The following TENM1 variants were observed in gnomAD, a reference collection of about 807,000 sequenced individuals.
TENM1 encodes the protein teneurin-1.
TENM1 carries 35 observed loss-of-function variants against 174.8 expected under a neutral mutation model. The ratio of observed to expected loss-of-function variants is 0.20; its 90% CI spans 0.15 to 0.27. TENM1 has a LOEUF of 0.27. Among genes scored for constraint, TENM1 ranks in the 10% least tolerant of loss-of-function variants. TENM1 has a pLI of 1.00. For missense variants in TENM1, 1,633 were observed against 2,130.1 expected (o/e 0.77, Z 4.59); for synonymous variants, 781 against 798.7 (o/e 0.98, Z 0.37).
chrX:124,857,325 G>A (rs1176211096), intron 3 of TENM1, among the ~76,000 whole-genome samples: 1 of 111,135 alleles, frequency 9.0e-6, no homozygotes, highest in Non-Finnish European at 1.9e-5. Context: ...AAATCAGAAG[G>A]GCAAAAGTGG....
At chrX:125,066,376 T>C in the TENM1 span, among the ~76,000 whole-genome samples, 1 of 111,939 alleles carries the variant, frequency 8.9e-6, no homozygotes, top group Non-Finnish European at 1.9e-5. Context: ...CTTACATACT[T>C]ATGCTAATGA....
chrX:124,584,570 A>G (rs751344501), intron 11 of TENM1, among the ~76,000 whole-genome samples: 174 of 111,778 alleles, frequency 1.6e-3, no homozygotes, highest in Non-Finnish European at 3.0e-3. Flanking sequence ...GGCACCAGCC[A>G]CTGCAAAATC....
intron 27 of TENM1, among the ~76,000 whole-genome samples, chrX:124,403,450 G>A (rs1200080028): frequency 1.9e-5 from 2 of 106,381 alleles, no homozygotes; most frequent in Non-Finnish European, 3.9e-5. Flanking sequence ...AACCCGGGAG[G>A]CAGAGCTTGC....
intron 1 of TENM1, among the ~76,000 whole-genome samples, chrX:124,909,807 T>G (rs1017024703): frequency 2.7e-5 from 3 of 112,295 alleles, no homozygotes; most frequent in Non-Finnish European, 5.6e-5. Flanking sequence ...GTTTTGAAAT[T>G]ATTTAACAAC....
intron 3 of TENM1, among the ~76,000 whole-genome samples, chrX:124,876,203 T>C (rs1466414511): frequency 9.0e-6 from 1 of 111,548 alleles, no homozygotes; most frequent in Admixed American, 9.6e-5. Flanking sequence ...ATTTGTAAAA[T>C]ACTTAGAGCA....
At chrX:124,492,499 C>T (rs373078860) in intron 20 of TENM1, among the ~76,000 whole-genome samples, 2 of 101,499 alleles carry the variant, frequency 2.0e-5, no homozygotes, top group Non-Finnish European at 2.0e-5. Flanking sequence ...AGGATAGATG[C>T]TTTTTTTTTT....
chrX:124,952,335 GGTGT>G (rs34542293), intron 1 of TENM1, among the ~76,000 whole-genome samples: 7,135 of 98,471 alleles, frequency 0.072, 497 homozygotes, highest in African/African-American at 0.22. Context: ...TTATGTATGG[GGTGT>G]GTGTGTGTGT....
intron 22 of TENM1, among the ~76,000 whole-genome samples, chrX:124,472,526 T>C (rs1312525906): frequency 9.1e-6 from 1 of 109,524 alleles, no homozygotes; most frequent in Admixed American, 9.9e-5. Context: ...ATGGAATCAA[T>C]TGTTCAATTA....
intron 5 of TENM1, among the ~76,000 whole-genome samples, chrX:124,699,366 G>A (rs184350350): frequency 9.0e-6 from 1 of 110,751 alleles, no homozygotes; most frequent in East Asian, 2.8e-4. Context: ...ATTTCACAGA[G>A]TCTCATTTTA....
intron 22 of TENM1, among the ~76,000 whole-genome samples, chrX:124,473,669 T>G (rs763576334): frequency 2.6e-4 from 29 of 111,207 alleles, no homozygotes; most frequent in Non-Finnish European, 5.1e-4. Context: ...CACCTAGGCT[T>G]GTCTTTCTCA....
the TENM1 span, among the ~76,000 whole-genome samples, chrX:125,139,903 G>A: frequency 9.2e-6 from 1 of 109,162 alleles, no homozygotes; most frequent in Non-Finnish European, 1.9e-5. Flanking sequence ...GAGAATGAGA[G>A]AGAGAGAAGT....
In TENM1 at chrX:124,645,396, G is replaced by A. The variant is rs1200577326; in HGVS notation, c.1682-59C>T. Reference sequence around the variant, plus strand: ...ATAATGCTTTCAAAGTCTCCAAAGAGCAATTCTCTATTGATTTTCGTATTT... The same window carrying A: ...ATAATGCTTTCAAAGTCTCCAAAGAACAATTCTCTATTGATTTTCGTATTT... On this transcript the variant is annotated intron_variant, in intron 9 of 31. Coordinates refer to ENST00000422452, the Ensembl canonical transcript of TENM1. The A allele has an allele frequency of 4.6e-6, 5 of 1,082,651 alleles. No individual in the cohort carries two copies. The East Asian group carries it at 1.3e-4, about 27-fold the overall frequency. 89.2% of individuals were successfully genotyped at this position (1,082,651 alleles called of 1,213,427 possible). A position where few individuals can be genotyped will look rare whatever the true frequency, so the allele number is the denominator to read the frequency against.
chrX:124,674,404 G>A (rs1411525552), intron 5 of TENM1, among the ~76,000 whole-genome samples: 1 of 105,259 alleles, frequency 9.5e-6, no homozygotes, highest in African/African-American at 3.5e-5. Flanking sequence ...ATTAGTATGT[G>A]TAACACTCAT....
chrX:124,611,311 G>A (rs1283045777), intron 11 of TENM1, among the ~76,000 whole-genome samples: 1 of 111,635 alleles, frequency 9.0e-6, no homozygotes, highest in Admixed American at 9.5e-5. Context: ...ATAGGCCAGA[G>A]CAAGTCACGT....
the TENM1 span, among the ~76,000 whole-genome samples, chrX:125,106,036 G>C: frequency 9.0e-6 from 1 of 111,721 alleles, no homozygotes; most frequent in African/African-American, 3.3e-5. Flanking sequence ...CTTTGTACCT[G>C]CTGTTACTTC....
In TENM1 at chrX:124,703,704, C is replaced by G. The variant is rs142356760; in HGVS notation, c.1015+1309G>C. Among the ~76,000 whole-genome samples, 1,013 of 111,844 alleles carry G rather than the reference C, an allele frequency of 9.1e-3. 15 individuals are homozygous for G. Among genetic ancestry groups the G allele is most frequent in the African/African-American group, 0.031 (947 of 30,839 alleles). ...TGAAAATCATGTTTGAGTTGTAGAACTTTCTCATCCTTCGCCTCCATTCCT... is the reference window on the plus strand; with the variant it reads ...TGAAAATCATGTTTGAGTTGTAGAAGTTTCTCATCCTTCGCCTCCATTCCT... On this transcript the variant is annotated intron_variant, in intron 5 of 31. Coordinates refer to ENST00000422452, the Ensembl canonical transcript of TENM1.
intron 11 of TENM1, among the ~76,000 whole-genome samples, chrX:124,609,391 C>CT (rs35767950): frequency 7.4e-5 from 8 of 108,018 alleles, no homozygotes; most frequent in South Asian, 3.9e-4. Flanking sequence ...ACCCATGCTG[C>CT]TTTTTTTTTT....
At chrX:124,940,472 G>T (rs776980790) in intron 1 of TENM1, among the ~76,000 whole-genome samples, 2 of 111,534 alleles carry the variant, frequency 1.8e-5, no homozygotes, top group East Asian at 5.6e-4. Flanking sequence ...CCTTTCTACA[G>T]TTTGCTATTC....
the TENM1 span, among the ~76,000 whole-genome samples, chrX:125,022,246 G>T: frequency 9.0e-6 from 1 of 111,592 alleles, no homozygotes; most frequent in African/African-American, 3.3e-5. Flanking sequence ...GATCCACATA[G>T]GTTTTTCAAG....
Sources: gnomAD v4.1 joint callset for allele counts (sites outside exome capture counted in the v4.1 genomes callset) on GRCh38, gnomAD v4.1.1 for gene constraint, MANE v1.5 for transcripts, NCBI Gene and HGNC (gene_info 2026-07-23, HGNC 2026-07-21) for gene names.